The following MYO1D variants were observed in gnomAD, a reference collection of about 807,000 sequenced individuals.
The protein encoded by MYO1D is myosin ID.
Under a neutral mutation model 122.0 loss-of-function variants are expected in MYO1D, and 83 were observed. The ratio of observed to expected loss-of-function variants is 0.68; its 90% CI spans 0.57 to 0.82. The LOEUF is 0.82. MYO1D is among the 40% of genes least tolerant of loss of function. MYO1D has a pLI of 0.00. For missense variants in MYO1D, 1,157 were observed against 1,269.5 expected (o/e 0.91, Z 1.35); for synonymous variants, 464 against 446.9 (o/e 1.04, Z -0.48).
intron 11 of MYO1D, among the ~76,000 whole-genome samples, chr17:32,752,314 C>G (rs2089906432): frequency 6.6e-6 from 1 of 152,122 alleles, no homozygotes; most frequent in African/African-American, 2.4e-5. Flanking sequence ...AAACCTGAAG[C>G]TATAAAAATC....
At chr17:32,750,927 CTT>C (rs1441679117) in intron 11 of MYO1D, among the ~76,000 whole-genome samples, 1 of 152,138 alleles carries the variant, frequency 6.6e-6, no homozygotes, top group Non-Finnish European at 1.5e-5. Flanking sequence ...TGCTCTCTCT[CTT>C]ATTAACCCCT....
At chr17:32,776,385 C>G (rs1430709327) in intron 3 of MYO1D, among the ~76,000 whole-genome samples, 2 of 151,980 alleles carry the variant, frequency 1.3e-5, no homozygotes, top group African/African-American at 4.8e-5. Flanking sequence ...TGTGTGTGTG[C>G]ATACACATGT....
chr17:32,573,030 G>A (rs2087245527), intron 21 of MYO1D, among the ~76,000 whole-genome samples: 4 of 151,824 alleles, frequency 2.6e-5, no homozygotes, highest in Admixed American at 6.6e-5. Context: ...TTCACTGCCT[G>A]TATCCCAATC....
rs575794248 is a variant in MYO1D, at chr17:32,772,986, A to G, written c.565-144T>C. The G allele has an allele frequency of 8.7e-6, 6 of 693,596 alleles. No individual in the cohort carries two copies. The East Asian group carries it at 1.3e-4, about 15-fold the overall frequency. The allele number at this position is 693,596 out of a possible 1,614,324, so 43.0% of individuals were successfully genotyped here. On this transcript the variant is annotated intron_variant, in intron 4 of 21. Transcript: ENST00000318217. Reference sequence around the variant, plus strand: ...TGGCCTGAAGCAACTGAAGAATCACATAAGAAGTGAAAATGGCAGATTCTT... The same window carrying G: ...TGGCCTGAAGCAACTGAAGAATCACGTAAGAAGTGAAAATGGCAGATTCTT...
intron 14 of MYO1D, among the ~76,000 whole-genome samples, chr17:32,728,114 T>C (rs2089596923): frequency 6.6e-6 from 1 of 152,040 alleles, no homozygotes; most frequent in African/African-American, 2.4e-5. Context: ...CACCTTTCAA[T>C]GTTTACAAAA....
At chr17:32,700,379 T>G (rs1292939425) in intron 16 of MYO1D, among the ~76,000 whole-genome samples, 1 of 152,206 alleles carries the variant, frequency 6.6e-6, no homozygotes, top group Non-Finnish European at 1.5e-5. Flanking sequence ...GGAGCTTGCT[T>G]GCCCTCTGCT....
At chr17:32,814,136 G>C (rs1242810757) in intron 1 of MYO1D, among the ~76,000 whole-genome samples, 1 of 152,204 alleles carries the variant, frequency 6.6e-6, no homozygotes, top group Non-Finnish European at 1.5e-5. Context: ...ATGAGGTCAA[G>C]AGATCGAGAC....
intron 1 of MYO1D, 83 bp from the exon 2 acceptor site, chr17:32,780,867 A>AG (rs1267684686): frequency 7.5e-7 from 1 of 1,325,756 alleles, no homozygotes; most frequent in Non-Finnish European, 1.1e-6. Flanking sequence ...CTTATTTCCA[A>AG]GGAAGTCCAA....
chr17:32,641,385 A>T (rs888110776), intron 19 of MYO1D, among the ~76,000 whole-genome samples: 1 of 151,936 alleles, frequency 6.6e-6, no homozygotes, highest in Admixed American at 6.6e-5. Context: ...GAATAGTGCC[A>T]CAATAAACAT....
chr17:32,509,725 AC>A (rs2150858372), intron 21 of MYO1D, among the ~76,000 whole-genome samples: 1 of 152,094 alleles, frequency 6.6e-6, no homozygotes, highest in South Asian at 2.1e-4. Context: ...AGTAGCTGGG[AC>A]TATAGGCGTG....
intron 17 of MYO1D, among the ~76,000 whole-genome samples, chr17:32,658,198 T>C (rs1377931767): frequency 6.6e-6 from 1 of 152,234 alleles, no homozygotes; most frequent in Non-Finnish European, 1.5e-5. Flanking sequence ...GCATTTTTCT[T>C]TATCTTTTGA....
At chr17:32,601,359 G>A (rs535302601) in intron 21 of MYO1D, among the ~76,000 whole-genome samples, 1 of 152,224 alleles carries the variant, frequency 6.6e-6, no homozygotes, top group South Asian at 2.1e-4. Flanking sequence ...GGGAATAGGG[G>A]AGCCTGAGGA....
chr17:32,636,041 T>C (rs1201014084), intron 20 of MYO1D, among the ~76,000 whole-genome samples: 1 of 152,190 alleles, frequency 6.6e-6, no homozygotes, highest in African/African-American at 2.4e-5. Context: ...TTCCTTTTTA[T>C]TCCATTTCCT....
intron 21 of MYO1D, among the ~76,000 whole-genome samples, chr17:32,571,123 G>C (rs1166765007): frequency 1.3e-5 from 2 of 152,114 alleles, no homozygotes; most frequent in Non-Finnish European, 2.9e-5. Context: ...CTTAAAGGGT[G>C]TTTCTACCAC....
intron 21 of MYO1D, among the ~76,000 whole-genome samples, chr17:32,564,735 C>A (rs2087157186): frequency 6.6e-6 from 1 of 152,202 alleles, no homozygotes; most frequent in South Asian, 2.1e-4. Context: ...GGAAGCCCTT[C>A]CACATAGCTG....
chr17:32,693,449 G>T (rs770108905), intron 16 of MYO1D, among the ~76,000 whole-genome samples: 6 of 152,024 alleles, frequency 3.9e-5, no homozygotes, highest in Non-Finnish European at 7.4e-5. Flanking sequence ...CATAGTGGGG[G>T]CTCAATTGAA....
At chr17:32,690,474 C>T (rs990800075) in intron 16 of MYO1D, among the ~76,000 whole-genome samples, 1 of 152,110 alleles carries the variant, frequency 6.6e-6, no homozygotes, top group African/African-American at 2.4e-5. Flanking sequence ...AGCACCTGAC[C>T]GAGTGTTTAT....
At chr17:32,638,267 C>T (rs1335983698) in intron 20 of MYO1D, among the ~76,000 whole-genome samples, 1 of 152,002 alleles carries the variant, frequency 6.6e-6, no homozygotes, top group Non-Finnish European at 1.5e-5. Flanking sequence ...TGGACTTACA[C>T]CAAAGATCAC....
At chr17:32,823,372 T>C (rs1173092545) in intron 1 of MYO1D, among the ~76,000 whole-genome samples, 1 of 152,098 alleles carries the variant, frequency 6.6e-6, no homozygotes, top group Non-Finnish European at 1.5e-5. Flanking sequence ...TTTATATACA[T>C]ATATATATAA....
Sources: allele counts gnomAD v4.1 joint callset (sites outside exome capture counted in the v4.1 genomes callset), GRCh38; gene constraint gnomAD v4.1.1; transcripts MANE v1.5; gene names NCBI Gene and HGNC (gene_info 2026-07-23, HGNC 2026-07-21).